STK31: variants seen among roughly 807,000 people sequenced by gnomAD.
The protein encoded by STK31 is serine/threonine-protein kinase 31.
STK31 carries 89 observed loss-of-function variants against 129.7 expected under a neutral mutation model. The observed-to-expected ratio is 0.69, with a 90% confidence interval of 0.58 to 0.82. The LOEUF (loss-of-function observed/expected upper bound fraction) is 0.82, where lower values mean the gene tolerates loss of function less well. STK31 is among the 40% of genes least tolerant of loss of function. The pLI, the probability that STK31 is intolerant of heterozygous loss-of-function variation, is 0.00. For synonymous variants in STK31, 448 were observed against 395.3 expected (o/e 1.13, Z -1.58); for missense variants, 1,187 against 1,176.4 (o/e 1.01, Z -0.13).
rs1240186753 is a variant in STK31 at position 23,744,300 on chromosome 7, T to A, written c.1017+7222T>A. On this transcript the variant is annotated intron_variant, in intron 8 of 23. Transcript: ENST00000355870. ...TCCTTTAGTTCTAGGATTTCTTTTT[T>A]TTTTTTTAATGATACCTATTTGGTA... 2.4e-3 allele frequency among the ~76,000 whole-genome samples: 365 copies of A among 152,024 alleles called. 3 individuals carry two copies. Among genetic ancestry groups the A allele is most frequent in the African/African-American group, 8.4e-3 (349 of 41,506 alleles).
chr7:23,718,262 T>C (rs1434983379), intron 4 of STK31, among the ~76,000 whole-genome samples: 3 of 152,212 alleles, frequency 2.0e-5, no homozygotes, highest in Non-Finnish European at 4.4e-5. Context: ...CAAACTAGAT[T>C]CCTTGCATTT....
intron 23 of STK31, among the ~76,000 whole-genome samples, chr7:23,820,491 A>G (rs1793731468): frequency 6.6e-6 from 1 of 152,178 alleles, no homozygotes; most frequent in Non-Finnish European, 1.5e-5. Flanking sequence ...TATTTAGGGT[A>G]TCCATTATCT....
chr7:23,762,801 A>G lies in STK31; in HGVS notation c.1294A>G (p.Ser432Gly). 1.2e-6 allele frequency: 2 copies of G among 1,610,038 alleles called. No individual in the cohort carries two copies. Among genetic ancestry groups the G allele is most frequent in the Non-Finnish European group, 1.7e-6 (2 of 1,178,734 alleles). The change falls in exon 11 of 24, where the codon AGT becomes GGT. Residue 432 changes from serine to glycine, a missense_variant and splice_region_variant. Transcript: ENST00000355870. The part of the protein sequence containing the change: ...QENIKTCEYV[S>G]EGNILIAQRN... ...GGTTATTCTTTTTTTCTTCCTCCAG[A>G]GTGAAGGGAATATTTTGATTGCCCA...
At chr7:23,812,140 AT>A (rs1793173314) in intron 22 of STK31, among the ~76,000 whole-genome samples, 1 of 152,046 alleles carries the variant, frequency 6.6e-6, no homozygotes, top group Non-Finnish European at 1.5e-5. Context: ...CTAGTGACAA[AT>A]TCCTTTCGTT....
intron 22 of STK31, among the ~76,000 whole-genome samples, chr7:23,808,401 C>G (rs1792854891): frequency 6.6e-6 from 1 of 151,988 alleles, no homozygotes; most frequent in Non-Finnish European, 1.5e-5. Context: ...AACTGTTTCA[C>G]CACCACCTTA....
chr7:23,730,367 T>A (rs1331613092), intron 6 of STK31, among the ~76,000 whole-genome samples: 1 of 152,190 alleles, frequency 6.6e-6, no homozygotes, highest in Non-Finnish European at 1.5e-5. Flanking sequence ...TGTAGTTACT[T>A]ATAAAAAACA....
At chr7:23,748,478 C>T (rs540915340) in intron 8 of STK31, among the ~76,000 whole-genome samples, 101 of 152,262 alleles carry the variant, frequency 6.6e-4, no homozygotes, top group African/African-American at 2.3e-3. Flanking sequence ...CATGGGTCCA[C>T]TTATATGTGG....
At chr7:23,828,192 G>C (rs1023429224) in intron 23 of STK31, among the ~76,000 whole-genome samples, 1 of 152,144 alleles carries the variant, frequency 6.6e-6, no homozygotes, top group Admixed American at 6.5e-5. Flanking sequence ...GCCCCCAGAG[G>C]TGGAGCCTAC....
chr7:23,710,596 CCTT>C, intron 1 of STK31: 1 of 1,312,294 alleles, frequency 7.6e-7, no homozygotes, highest in Non-Finnish European at 9.8e-7. Context: ...ACTCTCTTCC[CCTT>C]CTCGAAAATT....
chr7:23,746,203 A>G (rs1259858163), intron 8 of STK31, among the ~76,000 whole-genome samples: 1 of 152,140 alleles, frequency 6.6e-6, no homozygotes, highest in African/African-American at 2.4e-5. Flanking sequence ...AGCTCCCTGT[A>G]TGGAGCAATA....
At chr7:23,721,543 T>C in intron 4 of STK31, 6 of 958,042 alleles carry the variant, frequency 6.3e-6, no homozygotes, top group Middle Eastern at 2.4e-4. Flanking sequence ...TAACTCTCTT[T>C]TTTTTTTTCC....
chr7:23,721,373 T>C, intron 4 of STK31: 1 of 950,362 alleles, frequency 1.1e-6, no homozygotes, highest in South Asian at 1.4e-5. Context: ...TTGTGATTTT[T>C]TTCTCAGTAA....
rs202133820 is a variant in STK31 at position 23,828,908 on chromosome 7, C to CT, written c.2830-3219dup. ...TTTTTCTTTCTTTTTTTTTGTTTTT[C>CT]TTTTTTTTTGAGATGGAGTTTCGTT... On this transcript the variant is annotated intron_variant, in intron 23 of 23. Coordinates refer to ENST00000355870, the MANE Select transcript of STK31 (RefSeq NM_031414.5). Among the ~76,000 whole-genome samples, 22 of 148,798 alleles carry CT rather than the reference C, an allele frequency of 1.5e-4. No homozygotes were observed. The East Asian group carries it at 1.6e-3, about 11-fold the overall frequency.
intron 23 of STK31, among the ~76,000 whole-genome samples, chr7:23,829,402 T>C (rs1314701583): frequency 6.6e-6 from 1 of 152,212 alleles, no homozygotes; most frequent in African/African-American, 2.4e-5. Context: ...GTTTTTGCTC[T>C]TTGTTCAGTT....
intron 13 of STK31, among the ~76,000 whole-genome samples, chr7:23,770,792 G>T (rs1368170073): frequency 6.6e-6 from 1 of 151,998 alleles, no homozygotes; most frequent in African/African-American, 2.4e-5. Context: ...TTTTTTTAGG[G>T]ACTGGTCTCA....
rs1450490520 is a variant in STK31, at chr7:23,783,585, G to A, written c.2070G>A (p.Glu690=). 1 of 1,604,778 alleles carries A rather than the reference G, an allele frequency of 6.2e-7. No individual in the cohort carries two copies. The highest frequency in any genetic ancestry group is 8.5e-7 in the Non-Finnish European group (1 of 1,177,928). The change falls in exon 17 of 24, where the codon GAG becomes GAA. Residue 690 remains glutamate, a splice_region_variant and synonymous_variant. Coordinates refer to ENST00000355870, the MANE Select transcript of STK31 (RefSeq NM_031414.5). Reference sequence around the variant, plus strand: ...AAACTTTTTTTTTTTAACTTTAGGAGATGCTAACTAGTTTGGCACAGAAAT... The same window carrying A: ...AAACTTTTTTTTTTTAACTTTAGGAAATGCTAACTAGTTTGGCACAGAAAT... The part of the protein sequence containing the change: ...QEIYHEREEY[E]MLTSLAQKWF...
chr7:23,827,169 C>T (rs936279065), intron 23 of STK31, among the ~76,000 whole-genome samples: 3 of 152,190 alleles, frequency 2.0e-5, no homozygotes, highest in African/African-American at 7.2e-5. Context: ...GGAAGTTCTC[C>T]TGGATAATAT....
chr7:23,714,662 C>T (rs1348418068), intron 3 of STK31, among the ~76,000 whole-genome samples: 4 of 152,160 alleles, frequency 2.6e-5, no homozygotes, highest in South Asian at 2.1e-4. Context: ...TCTCCTTAGA[C>T]TAGCCATATT....
At chr7:23,723,375 A>G (rs1786845076) in intron 4 of STK31, among the ~76,000 whole-genome samples, 1 of 152,070 alleles carries the variant, frequency 6.6e-6, no homozygotes, top group East Asian at 1.9e-4. Context: ...CCCATCTGAG[A>G]CCCATCATTG....
Sources: allele counts gnomAD v4.1 joint callset (sites outside exome capture counted in the v4.1 genomes callset), GRCh38; gene constraint gnomAD v4.1.1; transcripts MANE v1.5; gene names NCBI Gene and HGNC (gene_info 2026-07-23, HGNC 2026-07-21).